TEAD1: variants seen among roughly 807,000 people sequenced by gnomAD.
TEAD1 encodes TEA domain transcription factor 1.
A neutral mutation model predicts 54.9 loss-of-function variants in TEAD1; 9 were observed. The observed-to-expected ratio is 0.16, with a 90% CI of 0.10 to 0.29. The LOEUF (loss-of-function observed/expected upper bound fraction) is 0.29, where lower values mean the gene tolerates loss of function less well. Among genes scored for constraint, TEAD1 ranks in the 10% least tolerant of loss-of-function variants. The pLI is 1.00. For synonymous variants in TEAD1, 200 were observed against 187.8 expected (o/e 1.07, Z -0.53); for missense variants, 387 against 535.9 (o/e 0.72, Z 2.74).
chr11:12,847,575 T>C (rs1285313200), intron 3 of TEAD1, among the ~76,000 whole-genome samples: 1 of 151,932 alleles, frequency 6.6e-6, no homozygotes, highest in African/African-American at 2.4e-5. Context: ...GAGACAGAAG[T>C]GTGTGTAGAG....
chr11:12,878,329 C>T (rs1947898402), intron 5 of TEAD1, among the ~76,000 whole-genome samples: 1 of 152,008 alleles, frequency 6.6e-6, no homozygotes, highest in South Asian at 2.1e-4. Context: ...TTTTTCATCA[C>T]CTTTGGTTAT....
intron 2 of TEAD1, among the ~76,000 whole-genome samples, chr11:12,763,737 T>G (rs955856165): frequency 6.6e-6 from 1 of 152,176 alleles, no homozygotes; most frequent in Non-Finnish European, 1.5e-5. Flanking sequence ...CTTTGGAGAT[T>G]TGATGATCAT....
intron 2 of TEAD1, among the ~76,000 whole-genome samples, chr11:12,693,581 G>A (rs890048006): frequency 1.3e-5 from 2 of 152,166 alleles, no homozygotes; most frequent in African/African-American, 4.8e-5. Context: ...CTGTTAAGTC[G>A]CAGCCCATGG....
At chr11:12,730,373 A>G (rs1944394682) in intron 2 of TEAD1, among the ~76,000 whole-genome samples, 1 of 144,004 alleles carries the variant, frequency 6.9e-6, no homozygotes, top group Admixed American at 6.9e-5. Context: ...TATTCTTTCC[A>G]GTGGTGCCAT....
intron 3 of TEAD1, among the ~76,000 whole-genome samples, chr11:12,840,517 CACTTA>C (rs1043180401): frequency 6.6e-6 from 1 of 152,108 alleles, no homozygotes; most frequent in African/African-American, 2.4e-5. Context: ...AATAGTCTTT[CACTTA>C]ACTTTTACTC....
chr11:12,798,224 G>T (rs577820396), intron 3 of TEAD1, among the ~76,000 whole-genome samples: 1 of 152,188 alleles, frequency 6.6e-6, no homozygotes, highest in Admixed American at 6.5e-5. Context: ...CCATCCTCTA[G>T]ACAGTCTGTG....
intron 10 of TEAD1, among the ~76,000 whole-genome samples, chr11:12,923,108 G>A (rs938680442): frequency 5.9e-5 from 9 of 151,684 alleles, no homozygotes; most frequent in African/African-American, 1.9e-4. Flanking sequence ...GCTCTCTTCC[G>A]GAGTCTTCTC....
chr11:12,932,721 T>C (rs1949031444), intron 12 of TEAD1, among the ~76,000 whole-genome samples: 1 of 152,124 alleles, frequency 6.6e-6, no homozygotes, highest in Non-Finnish European at 1.5e-5. Context: ...TAAAAATAAA[T>C]TTAGGTTAGC....
chr11:12,776,846 C>T (rs1393874674), intron 3 of TEAD1, among the ~76,000 whole-genome samples: 1 of 150,710 alleles, frequency 6.6e-6, no homozygotes, highest in Non-Finnish European at 1.5e-5. Flanking sequence ...GTTGCCCAGG[C>T]TGGAGTGCAA....
intron 3 of TEAD1, among the ~76,000 whole-genome samples, chr11:12,850,414 C>G (rs2134049766): frequency 6.6e-6 from 1 of 152,290 alleles, no homozygotes; most frequent in African/African-American, 2.4e-5. Context: ...CCAGCCTGGG[C>G]AACAGGAGTG....
At chr11:12,677,856 G>A (rs900758328) in intron 2 of TEAD1, among the ~76,000 whole-genome samples, 14 of 152,242 alleles carry the variant, frequency 9.2e-5, no homozygotes, top group African/African-American at 2.9e-4. Flanking sequence ...GGGCATTTGT[G>A]GGATTACTTT....
At chr11:12,793,110 C>A (rs186688864) in intron 3 of TEAD1, among the ~76,000 whole-genome samples, 30 of 151,192 alleles carry the variant, frequency 2.0e-4, no homozygotes, top group African/African-American at 7.3e-4. Flanking sequence ...CATTGAAAAT[C>A]TATGAAGTGG....
At chr11:12,784,784 C>T (rs7108249) in intron 3 of TEAD1, among the ~76,000 whole-genome samples, 139,706 of 152,236 alleles carry the variant, frequency 0.92, 65,418 homozygotes, top group East Asian at 1. Context: ...AGCTGGCCTA[C>T]GCTCCATGTG....
At position 12,675,446 on chromosome 11, in the gene TEAD1, A is replaced by C. The variant is rs952492770; in HGVS notation, c.-170A>C. The C allele has an allele frequency of 6.6e-6, 1 of 152,518 alleles. No individual in the cohort carries two copies. Among genetic ancestry groups the C allele is most frequent in the East Asian group, 1.9e-4 (1 of 5,186 alleles). 9.4% of individuals were successfully genotyped at this position (152,518 alleles called of 1,614,324 possible). A position where few individuals can be genotyped will look rare whatever the true frequency, so the allele number is the denominator to read the frequency against. On this transcript the variant is annotated 5_prime_UTR_variant, in exon 2 of 13. Coordinates refer to ENST00000527636, the MANE Select transcript of TEAD1 (RefSeq NM_021961.6). ...CGCTGCCGCCGCCGCTTCATTGCAC[A>C]TTCAAGTGGAAAATTTTCAGGAGTC... is the stretch of plus-strand genomic sequence containing the variant.
intron 7 of TEAD1, 83 bp from the exon 8 acceptor site, chr11:12,881,813 T>A (rs994908410): frequency 2.8e-6 from 4 of 1,435,542 alleles, no homozygotes; most frequent in African/African-American, 2.8e-5. Context: ...GACCTCCCAC[T>A]GGGAGGTCAT....
At chr11:12,901,670 T>C (rs573031330) in intron 9 of TEAD1, among the ~76,000 whole-genome samples, 1 of 152,360 alleles carries the variant, frequency 6.6e-6, no homozygotes, top group South Asian at 2.1e-4. Context: ...GCTGGGTAAC[T>C]TAAGCTGTTG....
chr11:12,773,597 G>A (rs534460851), intron 3 of TEAD1, among the ~76,000 whole-genome samples: 24 of 152,132 alleles, frequency 1.6e-4, no homozygotes, highest in Admixed American at 1.2e-3. Flanking sequence ...TCTTTTGTTC[G>A]TTTTCTAATT....
At chr11:12,679,970 C>T (rs1043834478) in intron 2 of TEAD1, among the ~76,000 whole-genome samples, 3 of 152,132 alleles carry the variant, frequency 2.0e-5, no homozygotes, top group African/African-American at 7.2e-5. Flanking sequence ...CTTTGAAAAC[C>T]AGTGTTTTTC....
intron 3 of TEAD1, among the ~76,000 whole-genome samples, chr11:12,852,773 A>G (rs1007286300): frequency 6.6e-6 from 1 of 152,140 alleles, no homozygotes; most frequent in African/African-American, 2.4e-5. Context: ...CTACACTTTA[A>G]GTGTATGGGA....
Sources: gnomAD v4.1 joint callset for allele counts (sites outside exome capture counted in the v4.1 genomes callset) on GRCh38, gnomAD v4.1.1 for gene constraint, MANE v1.5 for transcripts, NCBI Gene and HGNC (gene_info 2026-07-23, HGNC 2026-07-21) for gene names.